Variants in PPA2 observed in about 807,000 individuals in gnomAD.
PPA2 encodes inorganic pyrophosphatase 2, also known as inorganic pyrophosphatase 2, mitochondrial.
Under a neutral mutation model 49.5 loss-of-function variants are expected in PPA2, and 48 were observed. The ratio of observed to expected loss-of-function variants is 0.97; its 90% CI spans 0.77 to 1.23. The LOEUF is 1.23. Ranked by LOEUF, PPA2 falls within the 50% of genes most tolerant of loss-of-function variation. The probability of loss-of-function intolerance (pLI) is 0.00; values close to 1 mark genes in which losing one functional copy is unlikely to be tolerated. For missense variants in PPA2, 429 were observed against 410.1 expected, an observed-to-expected ratio of 1.05 and a Z score of -0.40; for synonymous variants, 131 against 139.9, an observed-to-expected ratio of 0.94 and a Z score of 0.45.
At chr4:105,393,615 T>C (rs1423407112) in intron 9 of PPA2, among the ~76,000 whole-genome samples, 1 of 150,778 alleles carries the variant, frequency 6.6e-6, no homozygotes, top group Non-Finnish European at 1.5e-5. Context: ...TTCTACTTCC[T>C]AAAGATACTA....
At chr4:105,411,141 C>A (rs537860573) in intron 7 of PPA2, among the ~76,000 whole-genome samples, 2 of 152,084 alleles carry the variant, frequency 1.3e-5, no homozygotes, top group African/African-American at 2.4e-5. Flanking sequence ...AGAGTCAAGA[C>A]CCATCAGTGT....
At chr4:105,422,830 C>T (rs1354352600) in intron 7 of PPA2, among the ~76,000 whole-genome samples, 1 of 152,162 alleles carries the variant, frequency 6.6e-6, no homozygotes, top group African/African-American at 2.4e-5. Flanking sequence ...TGAACTACTA[C>T]TCTCTAAATA....
chr4:105,407,737 G>T (rs1722549913), intron 7 of PPA2, among the ~76,000 whole-genome samples: 1 of 152,162 alleles, frequency 6.6e-6, no homozygotes, highest in African/African-American at 2.4e-5. Context: ...CATATACCCA[G>T]CCATGTGAAT....
intron 7 of PPA2, among the ~76,000 whole-genome samples, chr4:105,403,142 G>A (rs888525709): frequency 1.3e-5 from 2 of 151,622 alleles, no homozygotes; most frequent in Admixed American, 6.6e-5. Context: ...ATCCACTTTC[G>A]ATTTCCAAGA....
At chr4:105,416,200 A>G (rs148397056) in intron 7 of PPA2, among the ~76,000 whole-genome samples, 3 of 152,198 alleles carry the variant, frequency 2.0e-5, no homozygotes, top group African/African-American at 7.2e-5. Context: ...ACTTCCACAA[A>G]TGTTAGGACG....
At chr4:105,378,462 A>G (rs966492280) in intron 10 of PPA2, among the ~76,000 whole-genome samples, 4 of 152,060 alleles carry the variant, frequency 2.6e-5, no homozygotes, top group African/African-American at 9.7e-5. Flanking sequence ...TTGAGTTGTG[A>G]AAGTTCTTTA....
At chr4:105,434,804 T>C (rs1158177826) in intron 6 of PPA2, among the ~76,000 whole-genome samples, 4 of 152,294 alleles carry the variant, frequency 2.6e-5, no homozygotes, top group African/African-American at 9.6e-5. Context: ...TGACTTCACA[T>C]GCAACAGAAA....
intron 9 of PPA2, among the ~76,000 whole-genome samples, chr4:105,395,621 C>T (rs1734108114): frequency 6.6e-6 from 1 of 151,564 alleles, no homozygotes; most frequent in Non-Finnish European, 1.5e-5. Context: ...TGAATCACTA[C>T]AAAAATTTGG....
At chr4:105,432,630 C>A (rs780329195) in intron 6 of PPA2, among the ~76,000 whole-genome samples, 6 of 152,176 alleles carry the variant, frequency 3.9e-5, no homozygotes. Context: ...CCAACCCACG[C>A]GGCCTACGGG....
intron 5 of PPA2, 61 bp from the exon 6 acceptor site, chr4:105,438,097 C>A: frequency 1.7e-6 from 2 of 1,158,974 alleles, no homozygotes; most frequent in Admixed American, 2.5e-5. Flanking sequence ...GTACTTTAAT[C>A]TTTCCACATA....
chr4:105,390,064 G>T (rs532972256), intron 9 of PPA2, among the ~76,000 whole-genome samples: 1 of 152,300 alleles, frequency 6.6e-6, no homozygotes, highest in East Asian at 1.9e-4. Flanking sequence ...ATGGGGAAAT[G>T]ATTCCCTATT....
intron 1 of PPA2, among the ~76,000 whole-genome samples, chr4:105,471,810 A>C (rs1723535035): frequency 6.6e-6 from 1 of 152,144 alleles, no homozygotes; most frequent in African/African-American, 2.4e-5. Context: ...CACACCTTCC[A>C]ATCAGGATCT....
At chr4:105,472,234 G>A (rs940352594) in intron 1 of PPA2, among the ~76,000 whole-genome samples, 1 of 152,318 alleles carries the variant, frequency 6.6e-6, no homozygotes, top group South Asian at 2.1e-4. Flanking sequence ...AGCACACAGC[G>A]AGTTAACGGC....
Position 105,400,814 on chromosome 4 carries a change from C to T in PPA2, c.656-1650G>A, listed in dbSNP as rs539818494. Among the ~76,000 whole-genome samples the T allele has an allele frequency of 3.9e-5, 6 of 152,194 alleles. No individual in the cohort carries two copies. In the East Asian group the frequency reaches 9.6e-4, roughly 24 times the overall value. ...CTAATATCTACCTCAGTCTAGGAGG[C>T]TTTCTCCCCAAAAGTCATAAAGAGG... is the stretch of plus-strand genomic sequence containing the variant. On this transcript the variant is annotated intron_variant, in intron 7 of 11. Transcript: ENST00000341695.
rs772221947 is a variant in PPA2 at position 105,435,131 on chromosome 4, C to T, written c.528+2819G>A. Among the ~76,000 whole-genome samples the T allele has an allele frequency of 1.1e-3, 161 of 152,238 alleles. 2 individuals carry two copies. The highest frequency in any genetic ancestry group is 5.4e-4 in the Non-Finnish European group (37 of 68,008). On this transcript the variant is annotated intron_variant, in intron 6 of 11. Transcript: ENST00000341695. ...TCTTTCCCTCTGCCCATTAACAATG[C>T]GGTGTTAAAAGTGACTTCCTACCAC...
intron 6 of PPA2, among the ~76,000 whole-genome samples, chr4:105,426,167 A>G (rs755067160): frequency 1.3e-5 from 2 of 152,218 alleles, no homozygotes; most frequent in Non-Finnish European, 2.9e-5. Context: ...ATATATATAC[A>G]TAATGACTTA....
In PPA2 at chr4:105,448,854, T is replaced by C. The variant is rs79704793; in HGVS notation, c.321+496A>G. Among the ~76,000 whole-genome samples, 264 of 151,976 alleles carry C rather than the reference T, an allele frequency of 1.7e-3. 1 individual carries two copies. The highest frequency in any genetic ancestry group is 4.7e-3 in the African/African-American group (195 of 41,492). Reference sequence around the variant, plus strand: ...GTATATAACAAACTGACAGGCAAAATTGAAAAAAAAACTCTCTATAAAACT... The same window carrying C: ...GTATATAACAAACTGACAGGCAAAACTGAAAAAAAAACTCTCTATAAAACT... On this transcript the variant is annotated intron_variant, in intron 4 of 11. Transcript: ENST00000341695.
chr4:105,410,528 G>A (rs935653710), intron 7 of PPA2, among the ~76,000 whole-genome samples: 2 of 152,180 alleles, frequency 1.3e-5, no homozygotes, highest in Admixed American at 6.5e-5. Context: ...AACCTAGCAA[G>A]GCAGGCCAAC....
intron 1 of PPA2, among the ~76,000 whole-genome samples, chr4:105,458,676 G>C (rs1008865742): frequency 3.3e-5 from 5 of 151,768 alleles, no homozygotes; most frequent in African/African-American, 1.2e-4. Flanking sequence ...ACAAAAATTA[G>C]CTGGGCGTGG....
Sources: allele counts gnomAD v4.1 joint callset (sites outside exome capture counted in the v4.1 genomes callset), GRCh38; gene constraint gnomAD v4.1.1; transcripts MANE v1.5; gene names NCBI Gene and HGNC (gene_info 2026-07-23, HGNC 2026-07-21).